The following YES1 variants were observed in gnomAD, a reference collection of about 807,000 sequenced individuals.
YES1 encodes the protein YES proto-oncogene 1, Src family tyrosine kinase.
In YES1, 39 loss-of-function variants were observed where a neutral mutation model predicts 70.4. That is an observed-to-expected ratio of 0.55 (90% confidence interval 0.43 to 0.72). The LOEUF is 0.72. Among genes scored for constraint, YES1 ranks in the 30% least tolerant of loss-of-function variants. The probability of loss-of-function intolerance (pLI) is 0.00; values close to 1 mark genes in which losing one functional copy is unlikely to be tolerated. For missense variants in YES1, 495 were observed against 644.8 expected (o/e 0.77, Z 2.52); for synonymous variants, 198 against 218.6 (o/e 0.91, Z 0.83).
intron 1 of YES1, among the ~76,000 whole-genome samples, chr18:802,798 A>G (rs1422505548): frequency 6.6e-6 from 1 of 151,980 alleles, no homozygotes; most frequent in Non-Finnish European, 1.5e-5. Flanking sequence ...ACCTACCTCA[A>G]GGGGCCCAGC....
At chr18:771,690 A>T (rs1905164565) in intron 1 of YES1, among the ~76,000 whole-genome samples, 1 of 152,110 alleles carries the variant, frequency 6.6e-6, no homozygotes, top group Admixed American at 6.6e-5. Flanking sequence ...CTGGGACCAC[A>T]GGTGCAGGCC....
intron 11 of YES1, among the ~76,000 whole-genome samples, chr18:726,857 G>A (rs1036947103): frequency 1.4e-5 from 2 of 141,370 alleles, no homozygotes; most frequent in Non-Finnish European, 3.0e-5. Context: ...TAAATGTAAG[G>A]ATTTCATACC....
chr18:752,396 C>G (rs1415775190), intron 2 of YES1, among the ~76,000 whole-genome samples: 1 of 152,134 alleles, frequency 6.6e-6, no homozygotes, highest in Non-Finnish European at 1.5e-5. Context: ...AGACGTGAGC[C>G]ACTGTGCCCA....
At chr18:760,951 A>G (rs1371475433) in intron 1 of YES1, among the ~76,000 whole-genome samples, 2 of 152,196 alleles carry the variant, frequency 1.3e-5, no homozygotes, top group Non-Finnish European at 2.9e-5. Context: ...GAAAAGAAAA[A>G]GTCCAACAGA....
chr18:807,221 C>T (rs1907143270), intron 1 of YES1, among the ~76,000 whole-genome samples: 1 of 151,998 alleles, frequency 6.6e-6, no homozygotes, highest in Non-Finnish European at 1.5e-5. Context: ...GCAATCCCAG[C>T]TACTCGGGAG....
chr18:725,741 C>T (rs1211292506), intron 11 of YES1, among the ~76,000 whole-genome samples: 2 of 152,092 alleles, frequency 1.3e-5, no homozygotes, highest in East Asian at 1.9e-4. Context: ...CAAAAATGAG[C>T]CAGGCATGAT....
intron 1 of YES1, among the ~76,000 whole-genome samples, chr18:793,890 A>G (rs2145821789): frequency 6.6e-6 from 1 of 152,304 alleles, no homozygotes; most frequent in South Asian, 2.1e-4. Context: ...AACAGATTAC[A>G]ACTAGTTGAC....
chr18:725,938 G>A (rs2080013540), intron 11 of YES1, among the ~76,000 whole-genome samples: 1 of 152,144 alleles, frequency 6.6e-6, no homozygotes, highest in Admixed American at 6.5e-5. Flanking sequence ...AATACAACTA[G>A]AAGTTGTTGG....
chr18:750,938 A>C (rs2080334454), intron 3 of YES1, among the ~76,000 whole-genome samples: 1 of 152,228 alleles, frequency 6.6e-6, no homozygotes, highest in Non-Finnish European at 1.5e-5. Context: ...TCTGGGTATT[A>C]GAGTTAGAAG....
chr18:746,993 G>A (rs1402062797), intron 4 of YES1, among the ~76,000 whole-genome samples: 1 of 152,152 alleles, frequency 6.6e-6, no homozygotes, highest in Non-Finnish European at 1.5e-5. Context: ...ATACTTCAGT[G>A]TGTACTTGCT....
At chr18:759,327 C>T (rs913812117) in intron 1 of YES1, among the ~76,000 whole-genome samples, 7 of 152,108 alleles carry the variant, frequency 4.6e-5, no homozygotes, top group East Asian at 1.9e-4. Context: ...ATTAGCTGGG[C>T]GAGGTGGCGG....
intron 3 of YES1, among the ~76,000 whole-genome samples, chr18:749,993 A>C: frequency 6.6e-6 from 1 of 152,210 alleles, no homozygotes; most frequent in East Asian, 1.9e-4. Flanking sequence ...AAAAGACCAA[A>C]TACAATTAGT....
chr18:747,208 G>A (rs527571793), intron 4 of YES1, among the ~76,000 whole-genome samples: 8 of 152,298 alleles, frequency 5.3e-5, no homozygotes, highest in South Asian at 4.1e-4. Flanking sequence ...AATGGCTCAC[G>A]CCTGTGATCC....
chr18:787,128 G>A (rs71358757), intron 1 of YES1, among the ~76,000 whole-genome samples: 10,126 of 105,662 alleles, frequency 0.096, 579 homozygotes, highest in Middle Eastern at 0.22. Flanking sequence ...ACAGAGTCTC[G>A]CTCTGTGGCC....
In YES1 at chr18:722,957, TGGTG is replaced by T; in HGVS notation, c.*1463_*1466del. ...AATACAAAAAACTAGCCAGGCGTGG[TGGTG>T]GGCACCTGTAGTCCCAGCTACTCGG... is the stretch of plus-strand genomic sequence containing the variant. On this transcript the variant is annotated 3_prime_UTR_variant, in exon 12 of 12. Transcript: ENST00000314574. 1 of 152,378 alleles carries T rather than the reference TGGTG, an allele frequency of 6.6e-6. No individual in the cohort carries two copies. Among genetic ancestry groups the T allele is most frequent in the East Asian group, 1.9e-4 (1 of 5,178 alleles). The allele number at this position is 152,378 out of a possible 1,614,324, so 9.4% of individuals were successfully genotyped here.
At chr18:733,016 T>A (rs544272110) in intron 10 of YES1, 51 bp from the exon 11 acceptor site, 1 of 1,589,464 alleles carries the variant, frequency 6.3e-7, no homozygotes, top group South Asian at 1.1e-5. Context: ...AATCTATTTG[T>A]GTAAACATAG....
chr18:795,942 C>T (rs2145825471), intron 1 of YES1, among the ~76,000 whole-genome samples: 1 of 151,994 alleles, frequency 6.6e-6, no homozygotes, highest in Admixed American at 6.6e-5. Context: ...CACACACACA[C>T]ACATAAGACC....
intron 1 of YES1, among the ~76,000 whole-genome samples, chr18:810,064 T>A (rs1204437819): frequency 2.6e-5 from 4 of 152,012 alleles, no homozygotes; most frequent in Non-Finnish European, 5.9e-5. Flanking sequence ...TTAGCATCAC[T>A]TAAAAAATTG....
intron 11 of YES1, among the ~76,000 whole-genome samples, chr18:729,394 GAC>G (rs1407448039): frequency 2.0e-5 from 3 of 151,794 alleles, no homozygotes; most frequent in African/African-American, 7.3e-5. Context: ...CAGCCTGGGA[GAC>G]AGAGCGAGAC....
Sources: allele counts gnomAD v4.1 joint callset (sites outside exome capture counted in the v4.1 genomes callset), GRCh38; gene constraint gnomAD v4.1.1; transcripts MANE v1.5; gene names NCBI Gene and HGNC (gene_info 2026-07-23, HGNC 2026-07-21).